SOX5: variants seen among roughly 807,000 people sequenced by gnomAD.
SOX5 encodes transcription factor SOX-5.
Under a neutral mutation model 92.0 loss-of-function variants are expected in SOX5, and 9 were observed. The ratio of observed to expected loss-of-function variants is 0.10; its 90% CI spans 0.06 to 0.17. The LOEUF is 0.17. SOX5 is among the 10% of genes least tolerant of loss of function. The pLI is 1.00. For missense variants in SOX5, 642 were observed against 944.5 expected (o/e 0.68, Z 4.20); for synonymous variants, 344 against 336.3 (o/e 1.02, Z -0.25).
At chr12:24,308,033 A>G (rs1948789730) in intron 2 of SOX5, among the ~76,000 whole-genome samples, 1 of 152,058 alleles carries the variant, frequency 6.6e-6, no homozygotes, top group Non-Finnish European at 1.5e-5. Context: ...TAGAAAAAAA[A>G]AAACAGAAGC....
At chr12:23,940,603 A>C (rs1045244134) in intron 1 of SOX5, among the ~76,000 whole-genome samples, 3 of 151,378 alleles carry the variant, frequency 2.0e-5, no homozygotes, top group Non-Finnish European at 3.0e-5. Context: ...TTTTTAAAGA[A>C]GAACTAGAAC....
chr12:23,699,942 C>T (rs2090397676), intron 6 of SOX5, among the ~76,000 whole-genome samples: 4 of 152,152 alleles, frequency 2.6e-5, no homozygotes. Context: ...TCCCACACTA[C>T]TGATGCCAGA....
At chr12:23,985,390 C>T (rs909422162) in intron 4 of SOX5, among the ~76,000 whole-genome samples, 36 of 152,010 alleles carry the variant, frequency 2.4e-4, no homozygotes, top group African/African-American at 8.2e-4. Flanking sequence ...GCTGGGATTA[C>T]AGGAATGAGC....
Position 24,299,144 on chromosome 12 carries a change from G to T in SOX5, c.-173-21832C>A, listed in dbSNP as rs118049057. On this transcript the variant is annotated intron_variant, in intron 2 of 4. Coordinates refer to the SOX5 transcript ENST00000446891. ...TATTACCAATACAAAGAGCTACAAT[G>T]TTAACTCTTGCGTTTCTGGGTGGGT... is the stretch of plus-strand genomic sequence containing the variant. 3.2e-4 allele frequency among the ~76,000 whole-genome samples: 48 copies of T among 152,202 alleles called. 1 individual carries two copies. In the East Asian group the frequency reaches 9.3e-3, roughly 29 times the overall value.
intron 3 of SOX5, among the ~76,000 whole-genome samples, chr12:24,257,094 T>G (rs1371849224): frequency 6.6e-6 from 1 of 152,222 alleles, no homozygotes; most frequent in Non-Finnish European, 1.5e-5. Context: ...CTTTGGTTGC[T>G]GGGTACAGAA....
intron 4 of SOX5, among the ~76,000 whole-genome samples, chr12:23,753,501 G>A (rs1359959768): frequency 6.6e-6 from 1 of 151,530 alleles, no homozygotes; most frequent in Non-Finnish European, 1.5e-5. Flanking sequence ...ATATGCAAAG[G>A]TTCTATTTAA....
At chr12:23,778,322 A>T (rs974685233) in intron 3 of SOX5, among the ~76,000 whole-genome samples, 4 of 152,238 alleles carry the variant, frequency 2.6e-5, no homozygotes, top group Non-Finnish European at 4.4e-5. Flanking sequence ...AAGGAAAGAC[A>T]TGAATGTGGA....
intron 4 of SOX5, among the ~76,000 whole-genome samples, chr12:24,052,982 C>T (rs1405094263): frequency 3.3e-5 from 5 of 152,172 alleles, no homozygotes; most frequent in Non-Finnish European, 5.9e-5. Flanking sequence ...ATTGTCCCAT[C>T]TTATAACTAT....
rs148720670 is a variant in SOX5, at chr12:23,756,375, G to A, written c.482-651C>T. 6.1e-3 allele frequency among the ~76,000 whole-genome samples: 931 copies of A among 151,968 alleles called. 1 individual carries two copies. The highest frequency in any genetic ancestry group is 0.01 in the Non-Finnish European group (709 of 67,864). On this transcript the variant is annotated intron_variant, in intron 3 of 14. Transcript: ENST00000451604. ...GTATCACACTCTTTTAAAATGCCCTGTATTCAGACAGGGCACACACATTTT... is the reference window on the plus strand; with the variant it reads ...GTATCACACTCTTTTAAAATGCCCTATATTCAGACAGGGCACACACATTTT...
At chr12:23,615,528 G>T (rs903842240) in intron 8 of SOX5, among the ~76,000 whole-genome samples, 1 of 151,948 alleles carries the variant, frequency 6.6e-6, no homozygotes, top group African/African-American at 2.4e-5. Flanking sequence ...AGGCCCCAGT[G>T]ACTCTTGTTC....
intron 4 of SOX5, among the ~76,000 whole-genome samples, chr12:24,121,482 G>T (rs752270108): frequency 1.3e-5 from 2 of 151,958 alleles, no homozygotes; most frequent in African/African-American, 4.8e-5. Flanking sequence ...CGAAGCATGG[G>T]TGGAACAATG....
intron 4 of SOX5, among the ~76,000 whole-genome samples, chr12:23,753,958 A>AATGCATC (rs2094276849): frequency 1.3e-5 from 2 of 151,830 alleles, no homozygotes; most frequent in African/African-American, 2.4e-5. Context: ...GAACAGAAGA[A>AATGCATC]AGACCTACAG....
chr12:24,237,053 G>A (rs924338995), intron 3 of SOX5, among the ~76,000 whole-genome samples: 4 of 152,152 alleles, frequency 2.6e-5, no homozygotes, highest in Non-Finnish European at 5.9e-5. Flanking sequence ...ATGAGAAGCT[G>A]CCAAGAAATT....
chr12:24,272,966 C>A (rs1421054286), intron 3 of SOX5, among the ~76,000 whole-genome samples: 2 of 152,086 alleles, frequency 1.3e-5, no homozygotes, highest in Non-Finnish European at 2.9e-5. Context: ...AGTGCAGTGG[C>A]TCACGCCGGT....
At chr12:24,002,101 A>T (rs1042582770) in intron 4 of SOX5, among the ~76,000 whole-genome samples, 2 of 152,174 alleles carry the variant, frequency 1.3e-5, no homozygotes, top group Admixed American at 6.5e-5. Flanking sequence ...AGTAGAAAAT[A>T]AAAAAAGTTC....
chr12:24,561,357 G>T (rs1004705855), intron 1 of SOX5, among the ~76,000 whole-genome samples: 1 of 152,140 alleles, frequency 6.6e-6, no homozygotes, highest in African/African-American at 2.4e-5. Context: ...ATTCACCAGG[G>T]TCAATCTATT....
At chr12:24,544,094 A>T (rs932655689) in intron 1 of SOX5, among the ~76,000 whole-genome samples, 3 of 152,232 alleles carry the variant, frequency 2.0e-5, no homozygotes, top group Non-Finnish European at 2.9e-5. Flanking sequence ...AATTTAAAGC[A>T]ACCAGTATCT....
chr12:23,775,460 C>G (rs2095067492), intron 3 of SOX5, among the ~76,000 whole-genome samples: 1 of 152,172 alleles, frequency 6.6e-6, no homozygotes, highest in African/African-American at 2.4e-5. Flanking sequence ...TACTGACCCA[C>G]CAAGCCCACT....
intron 6 of SOX5, among the ~76,000 whole-genome samples, chr12:23,684,751 C>A (rs769725223): frequency 9.2e-5 from 14 of 152,142 alleles, no homozygotes; most frequent in African/African-American, 1.4e-4. Context: ...GGCTTCCCAA[C>A]TGCGGGTGAT....
Sources: gnomAD v4.1 joint callset for allele counts (sites outside exome capture counted in the v4.1 genomes callset) on GRCh38, gnomAD v4.1.1 for gene constraint, MANE v1.5 for transcripts, NCBI Gene and HGNC (gene_info 2026-07-23, HGNC 2026-07-21) for gene names.